Variants in PARP11 observed in about 807,000 individuals in gnomAD.
PARP11 encodes protein mono-ADP-ribosyltransferase PARP11.
A neutral mutation model predicts 42.9 loss-of-function variants in PARP11; 31 were observed. The observed-to-expected ratio is 0.72, with a 90% CI of 0.54 to 0.98. The LOEUF is 0.98. PARP11 is among the 50% of genes least tolerant of loss of function. The pLI is 0.00. For missense variants in PARP11, 365 were observed against 413.1 expected, an observed-to-expected ratio of 0.88 and a Z score of 1.01; for synonymous variants, 137 against 127.3, an observed-to-expected ratio of 1.08 and a Z score of -0.51.
chr12:3,849,312 C>T (rs1231579507), intron 1 of PARP11, among the ~76,000 whole-genome samples: 1 of 151,754 alleles, frequency 6.6e-6, no homozygotes, highest in East Asian at 1.9e-4. Context: ...GAGTATATAC[C>T]TAAAAGAAAA....
rs950397814 is a variant in PARP11, at chr12:3,811,995, G to A, written c.*128C>T. 14 of 682,372 alleles carry A rather than the reference G, an allele frequency of 2.1e-5. No homozygotes were observed. The highest frequency in any genetic ancestry group is 1.7e-4 in the African/African-American group (9 of 54,502). The allele number at this position is 682,372 out of a possible 1,614,324, so 42.3% of individuals were successfully genotyped here. ...AAGTCAGTATGTCTTTTTATATGGA[G>A]GCCACTTTTTTTCATATCTGTTTCA... On this transcript the variant is annotated 3_prime_UTR_variant, in exon 8 of 8. Transcript: ENST00000228820.
In PARP11 at chr12:3,852,166, C is replaced by T. The variant is rs148824630; in HGVS notation, c.18+21046G>A. Among the ~76,000 whole-genome samples the T allele has an allele frequency of 6.8e-3, 1,036 of 152,308 alleles. 24 individuals are homozygous for T. Among genetic ancestry groups the T allele is most frequent in the African/African-American group, 0.023 (960 of 41,562 alleles). On this transcript the variant is annotated intron_variant, in intron 1 of 7. Transcript: ENST00000228820. ...CAAAGACCAAAGGTAGATAAAACCA[C>T]AAAGATGGGGAAAAACCAGAGCAGA... is the stretch of plus-strand genomic sequence containing the variant.
Position 3,826,292 on chromosome 12 carries a change from C to T in PARP11, c.269-59G>A, listed in dbSNP as rs141256699. 1.4e-3 allele frequency: 1,707 copies of T among 1,228,306 alleles called. 10 individuals are homozygous for T. Among genetic ancestry groups the T allele is most frequent in the Non-Finnish European group, 1.5e-3 (1,299 of 884,156 alleles). The allele number at this position is 1,228,306 out of a possible 1,614,324, so 76.1% of individuals were successfully genotyped here. ...AAAAGTACACTGTACTATAAAGTGT[C>T]ATGAAGATTAATAGCCACGCTACGC... On this transcript the variant is annotated intron_variant, in intron 3 of 7. Coordinates refer to ENST00000228820, the MANE Select transcript of PARP11 (RefSeq NM_020367.6).
chr12:3,866,479 T>C (rs1030525193), intron 1 of PARP11, among the ~76,000 whole-genome samples: 7 of 152,308 alleles, frequency 4.6e-5, no homozygotes, highest in South Asian at 4.1e-4. Flanking sequence ...TTTGTCTACA[T>C]ACATTTTGAA....
chr12:3,859,004 G>A (rs892135192), intron 1 of PARP11, among the ~76,000 whole-genome samples: 4 of 151,606 alleles, frequency 2.6e-5, no homozygotes, highest in African/African-American at 9.7e-5. Flanking sequence ...GGCTGAGGCA[G>A]GAGGATCATT....
intron 3 of PARP11, 37 bp downstream of exon 3, chr12:3,828,873 T>C: frequency 6.3e-7 from 1 of 1,586,396 alleles, no homozygotes; most frequent in Non-Finnish European, 8.6e-7. Flanking sequence ...CATATCAATA[T>C]ACTAAAAACA....
intron 6 of PARP11, 25 bp from the exon 7 acceptor site, chr12:3,814,213 C>T (rs1429677923): frequency 6.5e-7 from 1 of 1,534,484 alleles, no homozygotes; most frequent in Admixed American, 1.8e-5. Context: ...TACACAGACA[C>T]AAAAGCACAC....
chr12:3,810,706 G>GAGAGA lies in PARP11; in HGVS notation c.*1412_*1416dup, dbSNP rs202176088. On this transcript the variant is annotated 3_prime_UTR_variant, in exon 8 of 8. Transcript: ENST00000228820. ...AGGAAAGAAAGAAGGAAGGAAGAGAGAGAGAAGAGAAGAGAAAGAGAAAGA... is the reference window on the plus strand; with the variant it reads ...AGGAAAGAAAGAAGGAAGGAAGAGAGAGAGAAGAGAAGAGAAGAGAAAGAGAAAGA... 7.4e-6 allele frequency: 1 copy of GAGAGA among 135,620 alleles called. No individual in the cohort carries two copies. Among genetic ancestry groups the GAGAGA allele is most frequent in the Non-Finnish European group, 1.5e-5 (1 of 65,760 alleles). The allele number at this position is 135,620 out of a possible 1,614,324, so 8.4% of individuals were successfully genotyped here.
rs577530303 is a variant in PARP11, at chr12:3,852,682, G to A, written c.18+20530C>T. Among the ~76,000 whole-genome samples, 63 of 152,304 alleles carry A rather than the reference G, an allele frequency of 4.1e-4. 1 individual carries two copies. The highest frequency in any genetic ancestry group is 6.8e-3 in the Middle Eastern group (2 of 294). On this transcript the variant is annotated intron_variant, in intron 1 of 7. Coordinates refer to ENST00000228820, the MANE Select transcript of PARP11 (RefSeq NM_020367.6). Reference sequence around the variant, plus strand: ...TTGGTGTACCTGAAAGTGACGGGGCGAATGGAACCAAGCTAGAAACACTCT... The same window carrying A: ...TTGGTGTACCTGAAAGTGACGGGGCAAATGGAACCAAGCTAGAAACACTCT...
Position 3,845,432 on chromosome 12 carries a change from C to G in PARP11, c.19-15414G>C, listed in dbSNP as rs577946328. On this transcript the variant is annotated intron_variant, in intron 1 of 7. Coordinates refer to ENST00000228820, the MANE Select transcript of PARP11 (RefSeq NM_020367.6). ...AAGGTTGAATTAAAATGCCTGTGAA[C>G]TGCAAACTTGCTTATGATTGACTTG... 1.3e-3 allele frequency among the ~76,000 whole-genome samples: 203 copies of G among 152,324 alleles called. 1 individual carries two copies. Among genetic ancestry groups the G allele is most frequent in the African/African-American group, 3.7e-3 (155 of 41,580 alleles).
intron 1 of PARP11, among the ~76,000 whole-genome samples, chr12:3,857,637 T>TA (rs367843470): frequency 0.076 from 10,651 of 140,768 alleles, 432 homozygotes; most frequent in East Asian, 0.19. Context: ...ATTATTATGC[T>TA]AAAAAAAAAA....
At chr12:3,829,823 C>T in intron 2 of PARP11, 67 bp downstream of exon 2, 1 of 1,488,206 alleles carries the variant, frequency 6.7e-7, no homozygotes, top group Non-Finnish European at 9.3e-7. Flanking sequence ...ACTCATTTTA[C>T]ATACATCAGC....
At chr12:3,865,037 C>G (rs984206151) in intron 1 of PARP11, among the ~76,000 whole-genome samples, 1 of 152,170 alleles carries the variant, frequency 6.6e-6, no homozygotes, top group Non-Finnish European at 1.5e-5. Context: ...CCTCTAAGTA[C>G]TGCTTTGGCA....
At chr12:3,848,648 AAAATC>A (rs1314038326) in intron 1 of PARP11, among the ~76,000 whole-genome samples, 3 of 152,198 alleles carry the variant, frequency 2.0e-5, no homozygotes, top group African/African-American at 7.2e-5. Context: ...ACCACATTAA[AAAATC>A]AAATCAAAAT....
In PARP11 at chr12:3,841,355, A is replaced by C. The variant is rs542506315; in HGVS notation, c.19-11337T>G. On this transcript the variant is annotated intron_variant, in intron 1 of 7. Transcript: ENST00000228820. ...TACCTGTACCCTCTGCACCAGGCCT[A>C]CCTGGCAGCCTGCAGGATGTACCCA... The C allele has an allele frequency of 5.2e-5, 67 of 1,279,128 alleles. No individual in the cohort carries two copies. In the South Asian group the frequency reaches 7.9e-4, roughly 15 times the overall value. The allele number at this position is 1,279,128 out of a possible 1,614,324, so 79.2% of individuals were successfully genotyped here.
intron 6 of PARP11, among the ~76,000 whole-genome samples, chr12:3,820,008 A>G (rs1175328401): frequency 6.6e-6 from 1 of 151,988 alleles, no homozygotes; most frequent in African/African-American, 2.4e-5. Flanking sequence ...GGGGCTCCCT[A>G]ATTCTACCCA....
In PARP11 at chr12:3,833,028, G is replaced by T. The variant is rs138747319; in HGVS notation, c.19-3010C>A. The stretch of plus-strand genomic sequence containing the variant: ...CAAATTGAAAAGCTGTGTGGAAAAT[G>T]AGTTTAAAGTCAAAATCCTGGTCTA... On this transcript the variant is annotated intron_variant, in intron 1 of 7. Coordinates refer to ENST00000228820, the MANE Select transcript of PARP11 (RefSeq NM_020367.6). Among the ~76,000 whole-genome samples, 884 of 152,308 alleles carry T rather than the reference G, an allele frequency of 5.8e-3. 17 individuals are homozygous for T. The highest frequency in any genetic ancestry group is 0.02 in the African/African-American group (823 of 41,570).
rs1947845280 is a variant in PARP11, at chr12:3,839,547, T to G, written c.19-9529A>C. 9 of 1,541,486 alleles carry G rather than the reference T, an allele frequency of 5.8e-6. No individual in the cohort carries two copies. The Admixed American group carries it at 1.3e-4, about 23-fold the overall frequency. On this transcript the variant is annotated intron_variant, in intron 1 of 7. Coordinates refer to ENST00000228820, the MANE Select transcript of PARP11 (RefSeq NM_020367.6). ...AGAACAGAGAGAAATTTGAAGCGAT[T>G]ATAGGAGGATCATTTGAAGGATATT...
At chr12:3,860,381 G>A (rs1404939769) in intron 1 of PARP11, among the ~76,000 whole-genome samples, 5 of 152,114 alleles carry the variant, frequency 3.3e-5, no homozygotes, top group Admixed American at 2.6e-4. Flanking sequence ...TGCTTCCTTG[G>A]TTCAACAAAA....
Sources: gnomAD v4.1 joint callset for allele counts (sites outside exome capture counted in the v4.1 genomes callset) on GRCh38, gnomAD v4.1.1 for gene constraint, MANE v1.5 for transcripts, NCBI Gene and HGNC (gene_info 2026-07-23, HGNC 2026-07-21) for gene names.